NAV2: variants seen among roughly 807,000 people sequenced by gnomAD.
NAV2 encodes neuron navigator 2.
Under a neutral mutation model 223.2 loss-of-function variants are expected in NAV2, and 54 were observed. The ratio of observed to expected loss-of-function variants is 0.24; its 90% CI spans 0.19 to 0.30. The LOEUF is 0.30. NAV2 is among the 10% of genes least tolerant of loss of function. The probability of loss-of-function intolerance (pLI) is 1.00; values close to 1 mark genes in which losing one functional copy is unlikely to be tolerated. For synonymous variants in NAV2, 1,279 were observed against 1,239.3 expected (o/e 1.03, Z -0.67); for missense variants, 2,806 against 3,147.5 (o/e 0.89, Z 2.60).
At chr11:19,831,358 C>T (rs1340707628) in intron 1 of NAV2, among the ~76,000 whole-genome samples, 3 of 151,690 alleles carry the variant, frequency 2.0e-5, no homozygotes, top group East Asian at 1.9e-4. Context: ...CATGGATCCT[C>T]GGAGCAGGCC....
chr11:19,349,746 T>C (rs1764386357), upstream of NAV2, among the ~76,000 whole-genome samples: 1 of 152,156 alleles, frequency 6.6e-6, no homozygotes, highest in Non-Finnish European at 1.5e-5. Context: ...TCTTGGACTA[T>C]TTATGGGAGG....
At chr11:19,776,577 GGTGTGTGT>G (rs71050684) in intron 1 of NAV2, among the ~76,000 whole-genome samples, 40 of 116,122 alleles carry the variant, frequency 3.4e-4, no homozygotes, top group Non-Finnish European at 2.8e-4. Context: ...CTGGGGCAGG[GGTGTGTGT>G]GTGTGTGTGT....
intron 1 of NAV2, chr11:19,507,261 ACAG>A (rs1294400403): frequency 6.6e-6 from 1 of 152,236 alleles, no homozygotes; most frequent in Non-Finnish European, 1.5e-5. Context: ...TCTAGTAGTT[ACAG>A]GAGTGTTGCC....
upstream of NAV2, among the ~76,000 whole-genome samples, chr11:19,348,049 A>AT (rs1590025329): frequency 6.6e-6 from 1 of 152,328 alleles, no homozygotes; most frequent in East Asian, 1.9e-4. Flanking sequence ...CTAGAAAAAA[A>AT]CAAAAGGCTC....
At chr11:19,538,038 T>TAG in intron 1 of NAV2, among the ~76,000 whole-genome samples, 1 of 152,344 alleles carries the variant, frequency 6.6e-6, no homozygotes, top group South Asian at 2.1e-4. Flanking sequence ...CCTGGGTTCC[T>TAG]TACTCACAGT....
At chr11:19,458,156 A>G (rs1590239750) in intron 1 of NAV2, among the ~76,000 whole-genome samples, 1 of 152,198 alleles carries the variant, frequency 6.6e-6, no homozygotes, top group Non-Finnish European at 1.5e-5. Context: ...TCACTGGCGG[A>G]GGAGGTCCTG....
In NAV2 at chr11:19,998,100, A is replaced by G. The variant is rs2052104451; in HGVS notation, c.2768+13853A>G. ...AGGCTTTGCACAGAGCTGGGCATAT[A>G]CAGTAGGAGACGTTTGCTATATTTT... On this transcript the variant is annotated intron_variant, in intron 11 of 37. Transcript: ENST00000349880. The surrounding 1 kb of genome is among the most constrained non-coding windows in gnomAD (Gnocchi z 5.0). Among the ~76,000 whole-genome samples, 1 of 151,810 alleles carries G rather than the reference A, an allele frequency of 6.6e-6. No homozygotes were observed. The highest frequency in any genetic ancestry group is 6.6e-5 in the Admixed American group (1 of 15,236).
chr11:19,534,521 A>AG (rs2134457817), intron 1 of NAV2, among the ~76,000 whole-genome samples: 1 of 152,348 alleles, frequency 6.6e-6, no homozygotes, highest in African/African-American at 2.4e-5. Context: ...GAAGTGAAGG[A>AG]GCACAGAGAA....
chr11:19,648,285 A>C (rs2047872791), intron 1 of NAV2, among the ~76,000 whole-genome samples: 1 of 152,238 alleles, frequency 6.6e-6, no homozygotes, highest in African/African-American at 2.4e-5. Flanking sequence ...ACTATATAAA[A>C]TACTATGTAA....
At chr11:19,961,275 T>G (rs2048335622) in intron 10 of NAV2, among the ~76,000 whole-genome samples, 1 of 152,092 alleles carries the variant, frequency 6.6e-6, no homozygotes, top group Non-Finnish European at 1.5e-5. Context: ...CTTAAGCATG[T>G]AGATCACTCA....
rs760005632 is a variant in NAV2, at chr11:19,946,393, C to T, written c.2147-8C>T. The T allele has an allele frequency of 1.2e-6, 2 of 1,610,196 alleles. No individual in the cohort carries two copies. The highest frequency in any genetic ancestry group is 1.3e-5 in the African/African-American group (1 of 74,838). ...GAATTAAACTAGTCTTAACCCTCATCTTTCTAGGGGAAGATCCTGAGGCTC... is the reference window on the plus strand; with the variant it reads ...GAATTAAACTAGTCTTAACCCTCATTTTTCTAGGGGAAGATCCTGAGGCTC... On this transcript the variant is annotated splice_polypyrimidine_tract_variant and splice_region_variant and intron_variant, in intron 8 of 37. Transcript: ENST00000349880.
At chr11:19,889,585 T>C (rs2153127637) in intron 5 of NAV2, among the ~76,000 whole-genome samples, 1 of 152,318 alleles carries the variant, frequency 6.6e-6, no homozygotes, top group East Asian at 1.9e-4. Flanking sequence ...CAAGAACTCC[T>C]TCTCCATGTC....
intron 1 of NAV2, among the ~76,000 whole-genome samples, chr11:19,672,376 C>T (rs909745333): frequency 4.6e-5 from 7 of 152,200 alleles, no homozygotes; most frequent in Admixed American, 2.0e-4. Flanking sequence ...ACATGGGTAT[C>T]GCTGCTGGTC....
intron 1 of NAV2, among the ~76,000 whole-genome samples, chr11:19,648,504 G>A (rs532202813): frequency 1.3e-5 from 2 of 152,244 alleles, no homozygotes; most frequent in South Asian, 4.2e-4. Context: ...TTCAGAATGG[G>A]GCCCAGTAGC....
intron 29 of NAV2, among the ~76,000 whole-genome samples, chr11:20,094,646 G>T (rs2061115302): frequency 6.6e-6 from 1 of 152,158 alleles, no homozygotes; most frequent in Non-Finnish European, 1.5e-5. Flanking sequence ...ACCTTCAAAA[G>T]TTATATTATT....
intron 1 of NAV2, among the ~76,000 whole-genome samples, chr11:19,407,224 G>C (rs1849936017): frequency 3.3e-5 from 5 of 152,186 alleles, no homozygotes; most frequent in Admixed American, 3.3e-4. Flanking sequence ...GTACTGGAAA[G>C]ACCACAAACA....
At chr11:20,057,376 A>G (rs2058430614) in intron 19 of NAV2, among the ~76,000 whole-genome samples, 1 of 152,172 alleles carries the variant, frequency 6.6e-6, no homozygotes, top group South Asian at 2.1e-4. Flanking sequence ...TATCATTTGC[A>G]TACCATGACA....
At chr11:19,461,973 T>TAC (rs201204844) in intron 1 of NAV2, among the ~76,000 whole-genome samples, 1 of 151,552 alleles carries the variant, frequency 6.6e-6, no homozygotes, top group African/African-American at 2.4e-5. Context: ...ACCTGGCTAA[T>TAC]TTTTTGTGTG....
intron 1 of NAV2, among the ~76,000 whole-genome samples, chr11:19,757,783 G>T (rs1304098747): frequency 6.6e-6 from 1 of 152,144 alleles, no homozygotes; most frequent in Non-Finnish European, 1.5e-5. Context: ...CTGCACAAAA[G>T]CCCTAAGAGA....
Sources: allele counts gnomAD v4.1 joint callset (sites outside exome capture counted in the v4.1 genomes callset), GRCh38; gene constraint gnomAD v4.1.1; non-coding constraint Gnocchi (gnomAD v3.1); transcripts MANE v1.5; gene names NCBI Gene and HGNC (gene_info 2026-07-23, HGNC 2026-07-21).